ANKRD28: variants seen among roughly 807,000 people sequenced by gnomAD.
ANKRD28 encodes the protein serine/threonine-protein phosphatase 6 regulatory ankyrin repeat subunit A.
In ANKRD28, 44 loss-of-function variants were observed where a neutral mutation model predicts 126.5. The observed-to-expected ratio is 0.35, with a 90% CI of 0.27 to 0.45. The LOEUF is 0.45. Among genes scored for constraint, ANKRD28 ranks in the 20% least tolerant of loss-of-function variants. The pLI, the probability that ANKRD28 is intolerant of heterozygous loss-of-function variation, is 1.00. For missense variants in ANKRD28, 1,110 were observed against 1,316.6 expected, an observed-to-expected ratio of 0.84 and a Z score of 2.43; for synonymous variants, 442 against 468.5, an observed-to-expected ratio of 0.94 and a Z score of 0.73.
intron 14 of ANKRD28, among the ~76,000 whole-genome samples, chr3:15,705,959 G>A (rs2071300184): frequency 6.6e-6 from 1 of 151,906 alleles, no homozygotes; most frequent in Admixed American, 6.6e-5. Context: ...TGAGACTGCA[G>A]CACTGCACTC....
chr3:15,836,969 G>A (rs918816461), intron 1 of ANKRD28, among the ~76,000 whole-genome samples: 16 of 151,866 alleles, frequency 1.1e-4, no homozygotes, highest in East Asian at 1.9e-4. Flanking sequence ...GCATGGTGGC[G>A]GGCGCCTGTA....
At chr3:15,852,837 A>AG (rs1284004422) in intron 1 of ANKRD28, among the ~76,000 whole-genome samples, 13 of 150,548 alleles carry the variant, frequency 8.6e-5, no homozygotes, top group Admixed American at 8.6e-4. Context: ...TGTCTCAAAA[A>AG]AAAAAAAAAA....
chr3:15,752,931 AAT>A (rs1293307712), intron 3 of ANKRD28, among the ~76,000 whole-genome samples: 1 of 152,220 alleles, frequency 6.6e-6, no homozygotes, highest in Non-Finnish European at 1.5e-5. Flanking sequence ...ATTAACATAT[AAT>A]AAATGTGCCT....
intron 21 of ANKRD28, among the ~76,000 whole-genome samples, chr3:15,683,093 T>C (rs970511560): frequency 1.3e-5 from 2 of 152,162 alleles, no homozygotes; most frequent in African/African-American, 4.8e-5. Context: ...AAAGCAACTC[T>C]CCAAAGGACA....
chr3:15,686,509 T>C, intron 18 of ANKRD28, 200 bp from the exon 19 acceptor site: 1 of 584,840 alleles, frequency 1.7e-6, no homozygotes, highest in Non-Finnish European at 3.0e-6. Flanking sequence ...TTCCTCACAG[T>C]AAAACATGAC....
intron 26 of ANKRD28, chr3:15,676,767 T>C (rs1221275076): frequency 4.8e-6 from 2 of 420,876 alleles, no homozygotes; most frequent in East Asian, 8.2e-5. Context: ...GTCAATGTTA[T>C]AATAAAATTT....
intron 27 of ANKRD28, among the ~76,000 whole-genome samples, chr3:15,671,323 G>T (rs889763460): frequency 6.6e-6 from 1 of 152,128 alleles, no homozygotes; most frequent in African/African-American, 2.4e-5. Context: ...TCTTGAGGAC[G>T]GAGCGGGAGA....
chr3:15,670,602 T>C (rs1412635277), intron 27 of ANKRD28, 46 bp from the exon 28 acceptor site: 12 of 1,562,130 alleles, frequency 7.7e-6, no homozygotes, highest in Non-Finnish European at 1.0e-5. Context: ...CTGAGATGTA[T>C]TTCACCAAAG....
Position 15,804,963 on chromosome 3 carries a change from G to GA in ANKRD28, c.28-9658dup, listed in dbSNP as rs1471326665. 2.8e-5 allele frequency among the ~76,000 whole-genome samples: 4 copies of GA among 145,022 alleles called. 2 individuals carry two copies. Among genetic ancestry groups the GA allele is most frequent in the East Asian group, 6.1e-4 (2 of 3,282 alleles). The stretch of plus-strand genomic sequence containing the variant: ...GTAACATTTTAACACTATAATGGGG[G>GA]ACTAGAAGAATGCTGACTTTGCGCT... On this transcript the variant is annotated intron_variant, in intron 1 of 27. Transcript: ENST00000399451.
chr3:15,806,526 CT>C (rs564676719), intron 1 of ANKRD28, among the ~76,000 whole-genome samples: 206 of 145,488 alleles, frequency 1.4e-3, no homozygotes, highest in Non-Finnish European at 1.4e-3. Context: ...ATCATCACAT[CT>C]TTTTTTTTTT....
intron 6 of ANKRD28, among the ~76,000 whole-genome samples, chr3:15,730,938 A>G (rs1207967157): frequency 6.6e-6 from 1 of 152,098 alleles, no homozygotes. Flanking sequence ...CTTGGGATCG[A>G]GCTCCTTAAA....
At chr3:15,723,857 T>C (rs554170992) in intron 7 of ANKRD28, among the ~76,000 whole-genome samples, 3 of 152,224 alleles carry the variant, frequency 2.0e-5, no homozygotes, top group Non-Finnish European at 4.4e-5. Context: ...TATTCTAAGT[T>C]ATCTCAATTC....
chr3:15,674,657 AG>A (rs374139504), intron 27 of ANKRD28, among the ~76,000 whole-genome samples: 1 of 152,230 alleles, frequency 6.6e-6, no homozygotes, highest in African/African-American at 2.4e-5. Context: ...TGAGAGCACT[AG>A]GGAGTCAATG....
chr3:15,711,358 C>T, intron 11 of ANKRD28, 84 bp from the exon 12 acceptor site: 3 of 1,188,936 alleles, frequency 2.5e-6, no homozygotes, highest in African/African-American at 1.5e-5. Context: ...AGAATCACAT[C>T]CTCCCCTCCA....
chr3:15,797,719 CTT>C lies in ANKRD28; in HGVS notation c.-1200_-1199del. 1.0e-6 allele frequency: 1 copy of C among 985,432 alleles called. No individual in the cohort carries two copies. Among genetic ancestry groups the C allele is most frequent in the Non-Finnish European group, 1.2e-6 (1 of 829,930 alleles). 61.0% of individuals were successfully genotyped at this position (985,432 alleles called of 1,614,324 possible). A position where few individuals can be genotyped will look rare whatever the true frequency, so the allele number is the denominator to read the frequency against. Reference sequence around the variant, plus strand: ...AACTACTTTATTCAGTCATCTGCCTCTTTGCCAATATAGTTTCCTTCCACTGT... The same window carrying C: ...AACTACTTTATTCAGTCATCTGCCTCTGCCAATATAGTTTCCTTCCACTGT... On this transcript the variant is annotated 5_prime_UTR_variant, in exon 1 of 28. Coordinates refer to ENST00000683139, the MANE Select transcript of ANKRD28 (RefSeq NM_001349278.2).
intron 4 of ANKRD28, among the ~76,000 whole-genome samples, chr3:15,749,101 G>GTTTTTTTTTTTTTTTTTTTTT (rs869266246): frequency 3.8e-5 from 2 of 53,082 alleles, no homozygotes; most frequent in East Asian, 1.3e-3. Context: ...TTATGTTTTT[G>GTTTTTTTTTTTTTTTTTTTTT]TTTTTTTTTT....
intron 1 of ANKRD28, among the ~76,000 whole-genome samples, chr3:15,857,538 G>C (rs2061800595): frequency 1.3e-5 from 2 of 152,342 alleles, no homozygotes; most frequent in South Asian, 4.1e-4. Context: ...GCCTGCCTCG[G>C]CCTCTCAAAG....
At chr3:15,720,884 A>G in intron 8 of ANKRD28, 31 bp downstream of exon 8, 1 of 1,592,010 alleles carries the variant, frequency 6.3e-7, no homozygotes. Flanking sequence ...TGACATATGA[A>G]ATACTTATAG....
At chr3:15,835,353 T>C (rs765973758) in intron 1 of ANKRD28, among the ~76,000 whole-genome samples, 5 of 152,264 alleles carry the variant, frequency 3.3e-5, no homozygotes, top group African/African-American at 9.6e-5. Context: ...CTGCCACAAA[T>C]AGGCAAATAT....
Sources: allele counts gnomAD v4.1 joint callset (sites outside exome capture counted in the v4.1 genomes callset), GRCh38; gene constraint gnomAD v4.1.1; transcripts MANE v1.5; gene names NCBI Gene and HGNC (gene_info 2026-07-23, HGNC 2026-07-21).